The following ADPRHL1 variants were observed in gnomAD, a reference collection of about 807,000 sequenced individuals.
ADPRHL1 encodes the protein ADP-ribosylhydrolase like 1, also known as inactive ADP-ribosyltransferase ARH2.
ADPRHL1 carries 43 observed loss-of-function variants against 44.1 expected under a neutral mutation model. The ratio of observed to expected loss-of-function variants is 0.98; its 90% CI spans 0.76 to 1.26. The LOEUF (loss-of-function observed/expected upper bound fraction) is 1.26, where lower values mean the gene tolerates loss of function less well. Ranked by LOEUF, ADPRHL1 falls within the 50% of genes most tolerant of loss-of-function variation. The probability of loss-of-function intolerance (pLI) is 0.00; values close to 1 mark genes in which losing one functional copy is unlikely to be tolerated. For missense variants in ADPRHL1, 2,022 were observed against 2,496.9 expected (o/e 0.81, Z 4.05); for synonymous variants, 878 against 1,017.4 (o/e 0.86, Z 2.61).
At chr13:113,415,108 C>T (rs900301933) in intron 7 of ADPRHL1, among the ~76,000 whole-genome samples, 3 of 152,134 alleles carry the variant, frequency 2.0e-5, no homozygotes, top group Non-Finnish European at 4.4e-5. Flanking sequence ...GGGGAGGGGC[C>T]GTTTGGCAGC....
intron 4 of ADPRHL1, among the ~76,000 whole-genome samples, chr13:113,428,285 T>C (rs2043981504): frequency 6.6e-6 from 1 of 151,132 alleles, no homozygotes; most frequent in Non-Finnish European, 1.5e-5. Flanking sequence ...CCTGAGGCTG[T>C]TTTGAAAAAT....
chr13:113,405,225 G>A lies in ADPRHL1; in HGVS notation c.4057C>T (p.Leu1353Phe). The A allele has an allele frequency of 8.1e-7, 1 of 1,231,922 alleles. No homozygotes were observed. The allele number at this position is 1,231,922 out of a possible 1,614,324, so 76.3% of individuals were successfully genotyped here. ...PPTAGDTQAK[L>F]RASVPEPRTQ... is the part of the protein sequence containing the mutation. ...CTAGGCTCGGGGACACTGGCCCGGA[G>A]CTTTGCCTGTGTGTCACCAGCAGTA... The change falls in exon 8 of 8, where the codon CTC becomes TTC. Residue 1353 changes from leucine (L) to phenylalanine (F), a missense_variant. By Grantham distance (22) the Leu-to-Phe change is conservative. Transcript: ENST00000612156.
At chr13:113,425,220 C>A in intron 4 of ADPRHL1, 41 bp from the exon 5 acceptor site, 1 of 1,032,056 alleles carries the variant, frequency 9.7e-7, no homozygotes. Flanking sequence ...CAATGGCATC[C>A]ATGGAGTGGG....
rs1482700374 is a variant in ADPRHL1, at chr13:113,405,863, G to C, written c.3419C>G (p.Thr1140Arg). Residue 1140 changes from threonine to arginine, a missense_variant, in exon 8 of 8, where the codon ACA becomes AGA. Transcript: ENST00000612156. ...GCCCAGCGTCTCTGGCTCTCCCGCT[G>C]TGCGGTCTCCAGGGCTCTGGGTGCT... ...PGSTQSPGDR[T>R]AGEPETLGQW... 1.6e-6 allele frequency: 2 copies of C among 1,231,876 alleles called. No homozygotes were observed. Among genetic ancestry groups the C allele is most frequent in the East Asian group, 3.2e-5 (1 of 31,722 alleles). 76.3% of individuals were successfully genotyped at this position (1,231,876 alleles called of 1,614,324 possible).
Position 113,428,934 on chromosome 13 carries a change from G to GC in ADPRHL1, c.646+17dup, listed in dbSNP as rs775546415. On this transcript the variant is annotated intron_variant, in intron 4 of 7. Coordinates refer to ENST00000612156, the MANE Select transcript of ADPRHL1 (RefSeq NM_001394807.1). ...AGATCTGCTCTGAGTGCGGACTGGG[G>GC]CCGGGGGAGCGGCTCACCTGCCGTG... 2 of 1,611,752 alleles carry GC rather than the reference G, an allele frequency of 1.2e-6. No individual in the cohort carries two copies. Among genetic ancestry groups the GC allele is most frequent in the Admixed American group, 1.7e-5 (1 of 60,034 alleles).
In ADPRHL1 at chr13:113,402,082, G is replaced by A. The variant is rs2043766396; in HGVS notation, c.*1296C>T. The A allele has an allele frequency of 6.6e-6, 1 of 152,410 alleles. No homozygotes were observed. Among genetic ancestry groups the A allele is most frequent in the South Asian group, 2.1e-4 (1 of 4,828 alleles). The allele number at this position is 152,410 out of a possible 1,614,324, so 9.4% of individuals were successfully genotyped here. ...GATGCCAAGACACCTTCAAAAAGCA[G>A]GAATTAACTTTCCACAGGGAGGGCA... On this transcript the variant is annotated 3_prime_UTR_variant, in exon 8 of 8. Coordinates refer to ENST00000612156, the MANE Select transcript of ADPRHL1 (RefSeq NM_001394807.1).
In ADPRHL1 at chr13:113,406,585, T is replaced by C. The variant is rs911564587; in HGVS notation, c.2697A>G (p.Pro899=). The part of the protein sequence containing the change: ...VTENRRGHRA[P]VELSKLSGMQ... ...TCCCTGAAAGCTTGCTCAGTTCCAC[T>C]GGGGCTCGGTGACCCCTTCTGTTCT... Residue 899 remains proline, a synonymous_variant, in exon 8 of 8, where the codon CCA becomes CCG. Transcript: ENST00000612156. 1.3e-4 allele frequency: 165 copies of C among 1,231,802 alleles called. No homozygotes were observed. The highest frequency in any genetic ancestry group is 2.9e-5 in the Non-Finnish European group (29 of 987,940). The allele number at this position is 1,231,802 out of a possible 1,614,324, so 76.3% of individuals were successfully genotyped here.
At chr13:113,429,541 A>G (rs2043992511) in intron 3 of ADPRHL1, among the ~76,000 whole-genome samples, 1 of 152,212 alleles carries the variant, frequency 6.6e-6, no homozygotes, top group Non-Finnish European at 1.5e-5. Context: ...GGACGAACGC[A>G]TTTTGATTGC....
intron 1 of ADPRHL1, among the ~76,000 whole-genome samples, chr13:113,446,425 G>GC (rs1258913440): frequency 6.6e-6 from 1 of 152,192 alleles, no homozygotes; most frequent in Non-Finnish European, 1.5e-5. Flanking sequence ...CCCTGACCCG[G>GC]CCCAGCAGAG....
At chr13:113,439,099 G>T (rs1033423063) in intron 2 of ADPRHL1, among the ~76,000 whole-genome samples, 1 of 152,058 alleles carries the variant, frequency 6.6e-6, no homozygotes, top group African/African-American at 2.4e-5. Context: ...AGCCATCAGG[G>T]ACTGAAATTC....
At position 113,442,235 on chromosome 13, in the gene ADPRHL1, G is replaced by A. The variant is rs183246631; in HGVS notation, c.379+2190C>T. ...TTTGGGAGGCTAAGGCAGAAGGGTT[G>A]TTGAGGCCCAGGAGTTCAAGACCAG... On this transcript the variant is annotated intron_variant, in intron 2 of 7. Transcript: ENST00000612156. 1.6e-3 allele frequency among the ~76,000 whole-genome samples: 250 copies of A among 152,338 alleles called. 3 individuals are homozygous for A. Among genetic ancestry groups the A allele is most frequent in the Non-Finnish European group, 2.9e-3 (199 of 68,042 alleles).
rs776092773 is a variant in ADPRHL1 at position 113,453,398 on chromosome 13, C to T, written c.40G>A (p.Gly14Ser). Residue 14 changes from glycine (G) to serine (S), a missense_variant, in exon 1 of 8, where the codon GGC becomes AGC. Coordinates refer to ENST00000612156, the MANE Select transcript of ADPRHL1 (RefSeq NM_001394807.1). This position sits in a 1 kb window ranked among gnomAD's most constrained non-coding sequence, Gnocchi z 5.4. ...ACATTTCTGTAGCCAAGAGCATCGC[C>T]GACGCTCCCCAGCAACATCGCAGCC... The part of the protein sequence containing the change: ...FKAAMLLGSV[G>S]DALGYRNVCK... The T allele has an allele frequency of 5.3e-5, 86 of 1,614,034 alleles. No homozygotes were observed. The highest frequency in any genetic ancestry group is 6.7e-5 in the African/African-American group (5 of 74,918).
chr13:113,409,676 G>A lies in ADPRHL1; in HGVS notation c.1062-1456C>T. The A allele has an allele frequency of 8.9e-6, 8 of 903,296 alleles. No individual in the cohort carries two copies. The highest frequency in any genetic ancestry group is 1.1e-5 in the Non-Finnish European group (8 of 755,282). 56.0% of individuals were successfully genotyped at this position (903,296 alleles called of 1,614,324 possible). The stretch of plus-strand genomic sequence containing the variant: ...CCGAGGCTGGCAGATCACGAGGTCA[G>A]GAGATCGAGACCATCCTGGATAACA... On this transcript the variant is annotated intron_variant, in intron 7 of 7. Coordinates refer to ENST00000612156, the MANE Select transcript of ADPRHL1 (RefSeq NM_001394807.1). This position sits in a 1 kb window ranked among gnomAD's most constrained non-coding sequence, Gnocchi z 4.2.
intron 3 of ADPRHL1, among the ~76,000 whole-genome samples, chr13:113,429,553 C>T (rs905782356): frequency 2.6e-5 from 4 of 152,258 alleles, no homozygotes; most frequent in African/African-American, 7.2e-5. Context: ...TTTGATTGCC[C>T]GTCATCTGTG....
At chr13:113,450,186 G>A (rs1322511578) in intron 1 of ADPRHL1, among the ~76,000 whole-genome samples, 1 of 152,202 alleles carries the variant, frequency 6.6e-6, no homozygotes, top group Non-Finnish European at 1.5e-5. Flanking sequence ...CCACAATGCT[G>A]GGATTGCAGA....
Position 113,406,932 on chromosome 13 carries a change from C to G in ADPRHL1, c.2350G>C (p.Val784Leu). ...AGEGPEITMT[V>L]CSSEDEREGA... ...TCCCTTTCATCCTCTGAACTGCAAA[C>G]AGTCATGGTGATTTCAGGGCCCTCC... The change falls in exon 8 of 8, where the codon GTT (valine) becomes CTT (leucine). Residue 784 changes from valine to leucine, a missense_variant. Physicochemically the swap from Val to Leu is conservative, Grantham distance 32. Transcript: ENST00000612156. The G allele has an allele frequency of 8.1e-7, 1 of 1,232,212 alleles. No individual in the cohort carries two copies. The highest frequency in any genetic ancestry group is 1.0e-6 in the Non-Finnish European group (1 of 988,080). The allele number at this position is 1,232,212 out of a possible 1,614,324, so 76.3% of individuals were successfully genotyped here. A position where few individuals can be genotyped will look rare whatever the true frequency, so the allele number is the denominator to read the frequency against.
At chr13:113,414,454 G>A (rs1023309296) in intron 7 of ADPRHL1, among the ~76,000 whole-genome samples, 2 of 130,564 alleles carry the variant, frequency 1.5e-5, no homozygotes, top group South Asian at 2.8e-4. Context: ...TGCCCTCTGC[G>A]GCTCAGCCCC....
chr13:113,447,485 G>A (rs1282707652), intron 1 of ADPRHL1, among the ~76,000 whole-genome samples: 2 of 151,402 alleles, frequency 1.3e-5, no homozygotes, highest in East Asian at 2.0e-4. Flanking sequence ...GGTGTTGTGT[G>A]TGCATGGTGT....
intron 2 of ADPRHL1, among the ~76,000 whole-genome samples, chr13:113,440,928 G>A (rs778982224): frequency 1.4e-4 from 21 of 152,154 alleles, no homozygotes; most frequent in South Asian, 6.2e-4. Flanking sequence ...CAAGGTGGGC[G>A]GATCACTTGA....
Sources: gnomAD v4.1 joint callset for allele counts (sites outside exome capture counted in the v4.1 genomes callset) on GRCh38, gnomAD v4.1.1 for gene constraint, Gnocchi (gnomAD v3.1) non-coding constraint, MANE v1.5 for transcripts, NCBI Gene and HGNC (gene_info 2026-07-23, HGNC 2026-07-21) for gene names.